SNRPN: variants seen among roughly 807,000 people sequenced by gnomAD.
SNRPN encodes the protein small nuclear ribonucleoprotein-associated protein N.
A neutral mutation model predicts 25.2 loss-of-function variants in SNRPN; 7 were observed. The ratio of observed to expected loss-of-function variants is 0.28; its 90% confidence interval spans 0.16 to 0.52. The LOEUF is 0.52. Among genes scored for constraint, SNRPN ranks in the 20% least tolerant of loss-of-function variants. SNRPN has a pLI of 0.96. For missense variants in SNRPN, 196 were observed against 322.5 expected (o/e 0.61, Z 3.00); for synonymous variants, 124 against 110.6 (o/e 1.12, Z -0.76).
At chr15:24,834,996 T>G (rs1263498108) in intron 2 of SNRPN, among the ~76,000 whole-genome samples, 1 of 73,894 alleles carries the variant, frequency 1.4e-5, no homozygotes, top group Admixed American at 1.7e-4. Flanking sequence ...AATAGATATA[T>G]ATAGTATATA....
intron 1 of SNRPN, among the ~76,000 whole-genome samples, chr15:24,877,975 C>T (rs2056148271): frequency 6.6e-6 from 1 of 152,212 alleles, no homozygotes; most frequent in African/African-American, 2.4e-5. Context: ...GTGGCTGATT[C>T]TTTCACTTAC....
chr15:24,924,378 A>C (rs2060247487), intron 3 of SNRPN, among the ~76,000 whole-genome samples: 1 of 152,016 alleles, frequency 6.6e-6, no homozygotes, highest in Non-Finnish European at 1.5e-5. Context: ...GTGTGTTATC[A>C]AGGTCTACTC....
At chr15:24,889,301 T>C (rs976251887) in intron 2 of SNRPN, among the ~76,000 whole-genome samples, 1 of 151,874 alleles carries the variant, frequency 6.6e-6, no homozygotes, top group Admixed American at 6.6e-5. Context: ...TAATATTAAT[T>C]TTTTTATTTT....
intron 1 of SNRPN, among the ~76,000 whole-genome samples, chr15:24,881,071 A>G (rs2056538256): frequency 6.6e-6 from 1 of 152,226 alleles, no homozygotes; most frequent in Admixed American, 6.5e-5. Context: ...ATGAACTAAA[A>G]AAAAATTGAG....
At chr15:24,958,223 A>G (rs2063228548) in intron 1 of SNRPN, among the ~76,000 whole-genome samples, 1 of 152,112 alleles carries the variant, frequency 6.6e-6, no homozygotes, top group African/African-American at 2.4e-5. Context: ...AATTTTGTTT[A>G]TAAGGTGTCA....
At chr15:24,894,211 C>A (rs1249738212) in intron 2 of SNRPN, among the ~76,000 whole-genome samples, 11 of 148,654 alleles carry the variant, frequency 7.4e-5, no homozygotes, top group Admixed American at 3.4e-4. Flanking sequence ...AAAACCAAGC[C>A]AAATTCTTTT....
At chr15:24,965,638 G>A (rs1452686921) in intron 2 of SNRPN, among the ~76,000 whole-genome samples, 1 of 152,190 alleles carries the variant, frequency 6.6e-6, no homozygotes, top group East Asian at 1.9e-4. Context: ...GGGGCTGGAT[G>A]ATGTATCGTG....
intron 1 of SNRPN, among the ~76,000 whole-genome samples, chr15:24,878,164 G>C (rs529004502): frequency 2.0e-5 from 3 of 152,290 alleles, no homozygotes; most frequent in African/African-American, 4.8e-5. Flanking sequence ...TTAAAGCCTT[G>C]TTAAGTTATT....
intron 6 of SNRPN, 43 bp from the exon 7 acceptor site, chr15:24,976,834 T>C (rs750715377): frequency 1.4e-4 from 218 of 1,575,224 alleles, no homozygotes; most frequent in Non-Finnish European, 1.8e-4. Context: ...TACTGAGAAC[T>C]TGTAAATTGT....
At chr15:24,977,114 T>A in intron 7 of SNRPN, 85 bp downstream of exon 7, 11 of 1,046,622 alleles carry the variant, frequency 1.1e-5, no homozygotes, top group South Asian at 1.8e-5. Flanking sequence ...TAAGTGTATG[T>A]GTCATACAAT....
chr15:24,886,162 A>AGACATCTGATCACCTTC (rs2057189230), intron 1 of SNRPN, among the ~76,000 whole-genome samples: 1 of 152,184 alleles, frequency 6.6e-6, no homozygotes, highest in South Asian at 2.1e-4. Context: ...CCCACACCTT[A>AGACATCTGATCACCTTC]GACATCTGAT....
chr15:24,973,562 T>C (rs2076710887), intron 3 of SNRPN, among the ~76,000 whole-genome samples: 1 of 151,900 alleles, frequency 6.6e-6, no homozygotes, highest in South Asian at 2.1e-4. Context: ...CATGCCTGGC[T>C]AATTTTTTTG....
intron 2 of SNRPN, among the ~76,000 whole-genome samples, chr15:24,889,395 C>T (rs968468274): frequency 4.0e-5 from 6 of 150,698 alleles, no homozygotes; most frequent in East Asian, 2.0e-4. Context: ...CTCCGCCTCC[C>T]GGGTTCAGGC....
chr15:24,889,908 G>A (rs66827922), intron 2 of SNRPN, among the ~76,000 whole-genome samples: 28,895 of 151,486 alleles, frequency 0.19, 2,911 homozygotes, highest in Middle Eastern at 0.31. Context: ...AAATTAGCCG[G>A]GTGTGGTGGT....
At chr15:24,870,689 A>G (rs1040889998) in intron 1 of SNRPN, among the ~76,000 whole-genome samples, 1 of 151,980 alleles carries the variant, frequency 6.6e-6, no homozygotes, top group Non-Finnish European at 1.5e-5. Context: ...TACCCAAGTT[A>G]CTTAGGTCAG....
chr15:24,889,946 A>G (rs1382231998), intron 2 of SNRPN, among the ~76,000 whole-genome samples: 1 of 150,204 alleles, frequency 6.7e-6, no homozygotes, highest in Non-Finnish European at 1.5e-5. Context: ...GCTACTCAGG[A>G]GACTGAGGCA....
intron 1 of SNRPN, among the ~76,000 whole-genome samples, chr15:24,864,339 CTTTTTTTTTTT>C (rs58622804): frequency 8.5e-6 from 1 of 117,268 alleles, no homozygotes; most frequent in East Asian, 2.6e-4. Context: ...CTCTTCTTTT[CTTTTTTTTTTT>C]TTTTTTTTTT....
intron 3 of SNRPN, among the ~76,000 whole-genome samples, chr15:24,945,272 C>T (rs1305669734): frequency 6.8e-6 from 1 of 147,134 alleles, no homozygotes; most frequent in Non-Finnish European, 1.5e-5. Context: ...ATAATGTTCA[C>T]ATCATAAAAT....
At position 24,832,965 on chromosome 15, in the gene SNRPN, C is replaced by T. The variant is rs148568871; in HGVS notation, c.-579+3060C>T. Among the ~76,000 whole-genome samples, 532 of 151,640 alleles carry T rather than the reference C, an allele frequency of 3.5e-3. 22 individuals carry two copies. The East Asian group carries it at 0.081, about 23-fold the overall frequency. On this transcript the variant is annotated intron_variant, in intron 2 of 12. Coordinates refer to the SNRPN transcript ENST00000400100. ...ACTAAAAATACAAAAATTAGCCAGG[C>T]GTGGTGGCAGGCGCCTGCAGTCCCA...
Sources: gnomAD v4.1 joint callset for allele counts (sites outside exome capture counted in the v4.1 genomes callset) on GRCh38, gnomAD v4.1.1 for gene constraint, MANE v1.5 for transcripts, NCBI Gene and HGNC (gene_info 2026-07-23, HGNC 2026-07-21) for gene names.